Variants in KANK1 observed in about 807,000 individuals in gnomAD.
The protein encoded by KANK1 is KN motif and ankyrin repeat domains 1, also known as KN motif and ankyrin repeat domain-containing protein 1.
A neutral mutation model predicts 106.2 loss-of-function variants in KANK1; 109 were observed. The ratio of observed to expected loss-of-function variants is 1.03; its 90% confidence interval spans 0.88 to 1.20. The LOEUF is 1.20. Among genes scored for constraint, KANK1 ranks in the 50% most tolerant of loss-of-function variants. KANK1 has a pLI of 0.00. For missense variants in KANK1, 2,399 were observed against 1,710.7 expected (o/e 1.40, Z -7.10); for synonymous variants, 873 against 652.2 (o/e 1.34, Z -5.16).
intron 7 of KANK1, among the ~76,000 whole-genome samples, chr9:737,391 C>G (rs1418238346): frequency 1.3e-5 from 2 of 152,146 alleles, no homozygotes; most frequent in African/African-American, 4.8e-5. Context: ...GGCTGTCTTT[C>G]TTTGATATAT....
intron 1 of KANK1, among the ~76,000 whole-genome samples, chr9:547,563 G>C (rs1446002282): frequency 6.6e-6 from 1 of 151,566 alleles, no homozygotes; most frequent in African/African-American, 2.4e-5. Flanking sequence ...TGTTGAATCT[G>C]AGATAGGCAA....
intron 1 of KANK1, among the ~76,000 whole-genome samples, chr9:567,602 G>A (rs1242780921): frequency 6.6e-6 from 1 of 152,196 alleles, no homozygotes; most frequent in Non-Finnish European, 1.5e-5. Context: ...ATTGGAGCCA[G>A]CAAAGAGAAC....
At chr9:694,003 T>C (rs1243881549) in intron 2 of KANK1, among the ~76,000 whole-genome samples, 1 of 152,166 alleles carries the variant, frequency 6.6e-6, no homozygotes, top group Non-Finnish European at 1.5e-5. Flanking sequence ...GAGTGAATGG[T>C]TGTACATATA....
At chr9:690,755 T>C (rs1213444047) in intron 2 of KANK1, among the ~76,000 whole-genome samples, 1 of 152,160 alleles carries the variant, frequency 6.6e-6, no homozygotes, top group African/African-American at 2.4e-5. Context: ...GTAATCCTGT[T>C]AAGTGTAAGA....
chr9:481,396 A>C (rs906695492), intron 3 of KANK1, among the ~76,000 whole-genome samples: 2 of 152,192 alleles, frequency 1.3e-5, no homozygotes, highest in African/African-American at 4.8e-5. Flanking sequence ...CTCCTGGACT[A>C]GCAAATCCTT....
chr9:609,455 C>A (rs1187180172), intron 1 of KANK1, among the ~76,000 whole-genome samples: 2 of 151,996 alleles, frequency 1.3e-5, no homozygotes, highest in African/African-American at 2.4e-5. Context: ...TGGTGAAACC[C>A]CATCTCTACT....
chr9:679,108 T>C (rs1816994419), intron 2 of KANK1, among the ~76,000 whole-genome samples: 1 of 152,172 alleles, frequency 6.6e-6, no homozygotes, highest in Non-Finnish European at 1.5e-5. Flanking sequence ...GGTCTGGGCA[T>C]TGAGGTTGAA....
At chr9:745,007 G>T in intron 11 of KANK1, 166 bp from the exon 12 acceptor site, 1 of 1,501,870 alleles carries the variant, frequency 6.7e-7, no homozygotes. Context: ...GAGCCCAGCT[G>T]GCCTTGGAGC....
chr9:622,063 T>C (rs917133785), intron 1 of KANK1, among the ~76,000 whole-genome samples: 4 of 152,156 alleles, frequency 2.6e-5, no homozygotes, highest in South Asian at 2.1e-4. Flanking sequence ...CATACAACAG[T>C]CTACTTTTAG....
Position 732,565 on chromosome 9 carries a change from G to A in KANK1, c.3193G>A (p.Asp1065Asn). The A allele has an allele frequency of 6.2e-7, 1 of 1,614,206 alleles. No homozygotes were observed. The highest frequency in any genetic ancestry group is 8.5e-7 in the Non-Finnish European group (1 of 1,180,034). Reference sequence around the variant, plus strand: ...AGGTTTGAAGTCTGCCAGGGTGGAAGATGAAATGCAGGTTCAAGAATGTGA... The same window carrying A: ...AGGTTTGAAGTCTGCCAGGGTGGAAAATGAAATGCAGGTTCAAGAATGTGA... The part of the protein sequence containing the change: ...IEGLKSARVE[D>N]EMQVQECEPE... Residue 1065 changes from aspartate to asparagine, a missense_variant, in exon 6 of 12, where the codon GAT becomes AAT. Transcript: ENST00000382297.
chr9:743,011 T>C (rs1836086721), intron 10 of KANK1, among the ~76,000 whole-genome samples: 1 of 152,128 alleles, frequency 6.6e-6, no homozygotes, highest in Non-Finnish European at 1.5e-5. Flanking sequence ...TCCAGATAAC[T>C]CCTTGACCGG....
At chr9:605,832 A>G (rs771451044) in intron 1 of KANK1, among the ~76,000 whole-genome samples, 8 of 151,610 alleles carry the variant, frequency 5.3e-5, no homozygotes, top group Non-Finnish European at 1.2e-4. Flanking sequence ...CCCAGATTTT[A>G]TTATGGGTTG....
At chr9:677,732 T>C (rs983882260) in intron 2 of KANK1, 1 of 152,224 alleles carries the variant, frequency 6.6e-6, no homozygotes, top group Non-Finnish European at 1.5e-5. Flanking sequence ...TAATTGTCTA[T>C]GCAGAAATTT....
chr9:744,741 C>G, intron 11 of KANK1, 152 bp downstream of exon 11: 1 of 1,520,620 alleles, frequency 6.6e-7, no homozygotes, highest in Admixed American at 2.1e-5. Context: ...CTTTCCGCCT[C>G]CACCCCGCAA....
intron 3 of KANK1, among the ~76,000 whole-genome samples, chr9:474,195 A>C (rs1480355927): frequency 6.6e-6 from 1 of 152,218 alleles, no homozygotes; most frequent in Non-Finnish European, 1.5e-5. Flanking sequence ...GGTGATGAAC[A>C]CATCACTGTA....
chr9:734,527 CTGG>C (rs1564113266), intron 6 of KANK1: 1 of 404,310 alleles, frequency 2.5e-6, no homozygotes, highest in African/African-American at 2.0e-5. Flanking sequence ...TTAGCTGGGC[CTGG>C]TGGTGCACAC....
chr9:719,051 C>T (rs547931427), intron 3 of KANK1, among the ~76,000 whole-genome samples: 3 of 149,910 alleles, frequency 2.0e-5, no homozygotes, highest in African/African-American at 7.4e-5. Context: ...CCTTCACCTC[C>T]TGGGTTCAAG....
intron 1 of KANK1, among the ~76,000 whole-genome samples, chr9:618,490 G>A (rs6477035): frequency 6.6e-6 from 1 of 151,952 alleles, no homozygotes; most frequent in East Asian, 1.9e-4. Context: ...TTACAGTCGT[G>A]AGCTACCATG....
At chr9:738,896 T>C (rs1384888583) in intron 8 of KANK1, among the ~76,000 whole-genome samples, 1 of 152,176 alleles carries the variant, frequency 6.6e-6, no homozygotes, top group Non-Finnish European at 1.5e-5. Context: ...CCTTGGTGCG[T>C]GTGGACCACT....
Sources: gnomAD v4.1 joint callset for allele counts (sites outside exome capture counted in the v4.1 genomes callset) on GRCh38, gnomAD v4.1.1 for gene constraint, MANE v1.5 for transcripts, NCBI Gene and HGNC (gene_info 2026-07-23, HGNC 2026-07-21) for gene names.